SLC35D1: variants seen among roughly 807,000 people sequenced by gnomAD.
SLC35D1 encodes solute carrier family 35 member D1.
In SLC35D1, 31 loss-of-function variants were observed where a neutral mutation model predicts 46.7. That is an observed-to-expected ratio of 0.66 (90% CI 0.50 to 0.90). The LOEUF (loss-of-function observed/expected upper bound fraction) is 0.90. Ranked by LOEUF, SLC35D1 falls within the 40% of genes least tolerant of loss-of-function variation. The pLI is 0.00. For missense variants in SLC35D1, 397 were observed against 426.2 expected (o/e 0.93, Z 0.60); for synonymous variants, 195 against 164.6 (o/e 1.18, Z -1.41).
intron 3 of SLC35D1, 92 bp downstream of exon 3, chr1:67,052,679 C>T: frequency 1.5e-6 from 2 of 1,341,594 alleles, no homozygotes; most frequent in Non-Finnish European, 2.1e-6. Context: ...AATTTTGAGG[C>T]TGCAATTTTT....
At chr1:67,005,116 C>T (rs1390749265) in intron 11 of SLC35D1, among the ~76,000 whole-genome samples, 1 of 152,148 alleles carries the variant, frequency 6.6e-6, no homozygotes, top group Non-Finnish European at 1.5e-5. Flanking sequence ...CAGCCTCCTA[C>T]CCGATTCACT....
the SLC35D1 span, chr1:66,987,194 T>C: frequency 6.5e-6 from 1 of 152,766 alleles, no homozygotes; most frequent in Non-Finnish European, 1.5e-5. Context: ...GTATTTTGTG[T>C]TTATACAGGT....
the SLC35D1 span, among the ~76,000 whole-genome samples, chr1:66,975,002 G>T: frequency 2.0e-5 from 3 of 152,152 alleles, no homozygotes; most frequent in South Asian, 6.2e-4. Context: ...CAGCTTGAGA[G>T]GATGATTTTT....
At chr1:67,039,476 TTAAA>T (rs1244831695) in intron 8 of SLC35D1, among the ~76,000 whole-genome samples, 1 of 142,666 alleles carries the variant, frequency 7.0e-6, no homozygotes, top group Non-Finnish European at 1.5e-5. Context: ...CAGACTTTAT[TTAAA>T]TAAGTGAAAA....
intron 8 of SLC35D1, among the ~76,000 whole-genome samples, chr1:67,023,443 T>A (rs1667851949): frequency 6.6e-6 from 1 of 152,074 alleles, no homozygotes; most frequent in Non-Finnish European, 1.5e-5. Context: ...TCTTTGACAT[T>A]AGCATTTCTT....
intron 8 of SLC35D1, among the ~76,000 whole-genome samples, chr1:67,022,160 CA>C (rs1240793873): frequency 6.6e-6 from 1 of 151,992 alleles, no homozygotes; most frequent in African/African-American, 2.4e-5. Context: ...TGTGTTAAGC[CA>C]AAAGGAAAGG....
chr1:66,989,314 A>T, the SLC35D1 span, among the ~76,000 whole-genome samples: 1 of 152,360 alleles, frequency 6.6e-6, no homozygotes, highest in Admixed American at 6.5e-5. Flanking sequence ...CGTTGTTAAC[A>T]TGAATGGTTG....
intron 10 of SLC35D1, among the ~76,000 whole-genome samples, chr1:67,010,128 A>T (rs1667533588): frequency 6.6e-6 from 1 of 152,186 alleles, no homozygotes; most frequent in Non-Finnish European, 1.5e-5. Context: ...AGTGGGAGCT[A>T]AACACCGAAT....
At chr1:66,995,544 A>G (rs1414080711), downstream of SLC35D1, among the ~76,000 whole-genome samples, 3 of 147,038 alleles carry the variant, frequency 2.0e-5, no homozygotes, top group African/African-American at 7.5e-5. Flanking sequence ...AAGGGAGAGA[A>G]GAGAACATGG....
Position 67,021,594 on chromosome 1 carries a change from C to T in SLC35D1, c.738G>A (p.Glu246=). ...YFTGDAQKAV[E]FEGWADTLFL... ...AGAGGGTGTCAGCCCAGCCTTCAAA[C>T]TCCACAGCCTGCAACACACAAGAAA... The change falls in exon 9 of 12, where the codon GAG becomes GAA. Residue 246 remains glutamate, a synonymous_variant. Coordinates refer to ENST00000235345, the MANE Select transcript of SLC35D1 (RefSeq NM_015139.3). The T allele has an allele frequency of 6.2e-7, 1 of 1,613,964 alleles. No homozygotes were observed.
chr1:66,982,609 T>G, the SLC35D1 span, among the ~76,000 whole-genome samples: 1 of 152,162 alleles, frequency 6.6e-6, no homozygotes, highest in South Asian at 2.1e-4. Flanking sequence ...AAGAAAGTAA[T>G]AAGCGCCACC....
chr1:66,973,437 C>T, the SLC35D1 span, among the ~76,000 whole-genome samples: 4,221 of 152,044 alleles, frequency 0.028, 184 homozygotes, highest in African/African-American at 0.095. Context: ...TAATATTTAA[C>T]TTAGTTTTAG....
intron 10 of SLC35D1, among the ~76,000 whole-genome samples, chr1:67,013,781 GT>G (rs1667625048): frequency 6.6e-6 from 1 of 152,144 alleles, no homozygotes; most frequent in South Asian, 2.1e-4. Flanking sequence ...AAGAGCTACA[GT>G]TTTAGAGGTG....
Position 67,053,905 on chromosome 1 carries a change from G to A in SLC35D1, c.109C>T (p.Leu37=), listed in dbSNP as rs764541160. 6.2e-7 allele frequency: 1 copy of A among 1,613,844 alleles called. No individual in the cohort carries two copies. The highest frequency in any genetic ancestry group is 1.1e-5 in the South Asian group (1 of 91,082). ...EELGMASAET[L]TVFLKLLAAG... Reference sequence around the variant, plus strand: ...GCCAGCAGCTTCAGAAACACGGTCAGCGTTTCGGCCGACGCCATCCCCAGC... The same window carrying A: ...GCCAGCAGCTTCAGAAACACGGTCAACGTTTCGGCCGACGCCATCCCCAGC... The change falls in exon 1 of 12, where the codon CTG becomes TTG. Residue 37 remains leucine, a synonymous_variant. Coordinates refer to ENST00000235345, the MANE Select transcript of SLC35D1 (RefSeq NM_015139.3).
the SLC35D1 span, among the ~76,000 whole-genome samples, chr1:66,984,109 C>T: frequency 6.6e-6 from 1 of 152,202 alleles, no homozygotes; most frequent in Non-Finnish European, 1.5e-5. Flanking sequence ...TGGCAGTTTA[C>T]TCAAGCTTTT....
chr1:67,053,646 G>A (rs1198033501), intron 1 of SLC35D1, among the ~76,000 whole-genome samples, 165 bp downstream of exon 1: 1 of 151,860 alleles, frequency 6.6e-6, no homozygotes, highest in African/African-American at 2.4e-5. Flanking sequence ...TCGCCAGGCC[G>A]GCTCCGCTGC....
chr1:67,023,835 A>C (rs1358441791), intron 8 of SLC35D1, among the ~76,000 whole-genome samples: 1 of 151,994 alleles, frequency 6.6e-6, no homozygotes, highest in Non-Finnish European at 1.5e-5. Context: ...ACTGAGCTGC[A>C]CGAGTTTTTA....
intron 8 of SLC35D1, among the ~76,000 whole-genome samples, chr1:67,029,013 T>C (rs1216233053): frequency 6.6e-6 from 1 of 152,222 alleles, no homozygotes; most frequent in African/African-American, 2.4e-5. Flanking sequence ...TTCTAGTACC[T>C]TAATGTAGGA....
At chr1:66,973,891 G>GT in the SLC35D1 span, among the ~76,000 whole-genome samples, 4 of 152,062 alleles carry the variant, frequency 2.6e-5, no homozygotes, top group African/African-American at 9.7e-5. Context: ...CCAGGACCTT[G>GT]TTGAAAGTAC....
Sources: gnomAD v4.1 joint callset for allele counts (sites outside exome capture counted in the v4.1 genomes callset) on GRCh38, gnomAD v4.1.1 for gene constraint, MANE v1.5 for transcripts, NCBI Gene and HGNC (gene_info 2026-07-23, HGNC 2026-07-21) for gene names.